Variants in ESR1 observed in about 807,000 individuals in gnomAD.
ESR1 encodes the protein estrogen receptor 1.
ESR1 carries 12 observed loss-of-function variants against 52.7 expected under a neutral mutation model. The ratio of observed to expected loss-of-function variants is 0.23; its 90% CI spans 0.15 to 0.37. The LOEUF is 0.37. Among genes scored for constraint, ESR1 ranks in the 10% least tolerant of loss-of-function variants. The probability of loss-of-function intolerance (pLI) is 1.00; values close to 1 mark genes in which losing one functional copy is unlikely to be tolerated. For missense variants in ESR1, 584 were observed against 779.7 expected, an observed-to-expected ratio of 0.75 and a Z score of 2.99; for synonymous variants, 305 against 316.8, an observed-to-expected ratio of 0.96 and a Z score of 0.39.
chr6:151,854,981 T>G (rs1292348562), intron 2 of ESR1, among the ~76,000 whole-genome samples: 2 of 152,228 alleles, frequency 1.3e-5, no homozygotes, highest in Non-Finnish European at 2.9e-5. Context: ...TGGTGCGATC[T>G]TGGCTCATTG....
At chr6:151,838,543 TTA>T (rs1239911404) in intron 1 of ESR1, among the ~76,000 whole-genome samples, 1 of 152,216 alleles carries the variant, frequency 6.6e-6, no homozygotes, top group East Asian at 1.9e-4. Context: ...CTAGAGGAAG[TTA>T]TGTTATCTTG....
At chr6:151,767,035 T>C (rs905667231) in intron 2 of ESR1, among the ~76,000 whole-genome samples, 2 of 152,126 alleles carry the variant, frequency 1.3e-5, no homozygotes, top group African/African-American at 2.4e-5. Flanking sequence ...GAAAATATGG[T>C]TTCAGGTTCA....
chr6:151,659,995 C>T (rs994816449), intron 1 of ESR1, among the ~76,000 whole-genome samples: 8 of 152,196 alleles, frequency 5.3e-5, no homozygotes, highest in Non-Finnish European at 1.0e-4. Flanking sequence ...ATTGCTAGCA[C>T]TTACCGTATG....
chr6:151,680,715 C>A (rs1285597924), intron 1 of ESR1, among the ~76,000 whole-genome samples: 2 of 152,148 alleles, frequency 1.3e-5, no homozygotes, highest in African/African-American at 4.8e-5. Flanking sequence ...TAATAGTTGG[C>A]CTCCTCCCTT....
At chr6:151,662,917 G>A (rs1381809610) in intron 1 of ESR1, among the ~76,000 whole-genome samples, 1 of 152,214 alleles carries the variant, frequency 6.6e-6, no homozygotes, top group African/African-American at 2.4e-5. Context: ...TTAAGTCACT[G>A]TTTATTCTGT....
intron 4 of ESR1, among the ~76,000 whole-genome samples, chr6:151,950,775 T>G (rs573632321): frequency 1.8e-4 from 27 of 152,276 alleles, no homozygotes; most frequent in African/African-American, 5.8e-4. Flanking sequence ...GATTTCAGAC[T>G]TCTAGCCTCC....
At chr6:151,955,986 CT>C (rs2036863394) in intron 4 of ESR1, among the ~76,000 whole-genome samples, 1 of 152,078 alleles carries the variant, frequency 6.6e-6, no homozygotes, top group South Asian at 2.1e-4. Flanking sequence ...AGGTTTTCTG[CT>C]TCTGTGTCAG....
At chr6:151,735,127 G>C (rs1782548412) in intron 2 of ESR1, among the ~76,000 whole-genome samples, 1 of 152,060 alleles carries the variant, frequency 6.6e-6, no homozygotes, top group South Asian at 2.1e-4. Context: ...TGTTATTGTG[G>C]GGATGGCTGA....
intron 6 of ESR1, among the ~76,000 whole-genome samples, chr6:152,076,989 A>C (rs2048787285): frequency 6.6e-6 from 1 of 152,228 alleles, no homozygotes; most frequent in Admixed American, 6.5e-5. Flanking sequence ...AAATTTGCAT[A>C]AGTAACAAGG....
chr6:151,699,105 C>T (rs148008543), intron 1 of ESR1, among the ~76,000 whole-genome samples: 1 of 152,298 alleles, frequency 6.6e-6, no homozygotes, highest in East Asian at 1.9e-4. Flanking sequence ...TTATTCCTAT[C>T]TGGGCTCTGC....
upstream of ESR1, among the ~76,000 whole-genome samples, chr6:151,685,861 A>G (rs1018296081): frequency 6.6e-5 from 10 of 152,136 alleles, no homozygotes; most frequent in African/African-American, 2.4e-4. Context: ...TAATTTATGA[A>G]AGCAGATTTT....
chr6:151,833,452 G>C (rs926754585), intron 1 of ESR1, among the ~76,000 whole-genome samples: 2 of 152,142 alleles, frequency 1.3e-5, no homozygotes, highest in East Asian at 3.9e-4. Context: ...AGACATGAAG[G>C]TCCATTTTGC....
In ESR1 at chr6:152,061,271, G is replaced by A; in HGVS notation, c.1369+147G>A. 2.5e-6 allele frequency: 2 copies of A among 803,970 alleles called. No individual in the cohort carries two copies. The highest frequency in any genetic ancestry group is 2.6e-5 in the East Asian group (1 of 37,774). The allele number at this position is 803,970 out of a possible 1,614,324, so 49.8% of individuals were successfully genotyped here. ...CGTTTTAAAATAACCTACCAACATT[G>A]CAGATTCCTTATAAAGGTAGAACCA... On this transcript the variant is annotated intron_variant, in intron 6 of 7. Coordinates refer to ENST00000206249, the MANE Select transcript of ESR1 (RefSeq NM_000125.4). This position sits in a 1 kb window ranked among gnomAD's most constrained non-coding sequence, Gnocchi z 4.3.
At chr6:151,697,827 G>C (rs1197730594) in intron 1 of ESR1, among the ~76,000 whole-genome samples, 1 of 152,144 alleles carries the variant, frequency 6.6e-6, no homozygotes, top group African/African-American at 2.4e-5. Flanking sequence ...GGCTGGGTGT[G>C]GTGGCTTACA....
chr6:151,679,983 C>T (rs905669162), intron 1 of ESR1, among the ~76,000 whole-genome samples: 5 of 152,148 alleles, frequency 3.3e-5, no homozygotes, highest in East Asian at 3.9e-4. Context: ...GCTTAATCAT[C>T]GCCTTAGCAC....
At chr6:151,887,797 T>TC (rs1245859929) in intron 3 of ESR1, among the ~76,000 whole-genome samples, 1 of 152,138 alleles carries the variant, frequency 6.6e-6, no homozygotes, top group Admixed American at 6.6e-5. Context: ...GTTTTTTTTT[T>TC]CCTAGTAGTT....
chr6:151,926,459 A>G (rs1408700663), intron 3 of ESR1, among the ~76,000 whole-genome samples: 1 of 152,176 alleles, frequency 6.6e-6, no homozygotes, highest in Non-Finnish European at 1.5e-5. Flanking sequence ...AATATTGAAT[A>G]ATATGAACAT....
intron 4 of ESR1, among the ~76,000 whole-genome samples, chr6:151,970,977 A>G (rs2038849995): frequency 6.6e-6 from 1 of 152,142 alleles, no homozygotes; most frequent in Non-Finnish European, 1.5e-5. Flanking sequence ...TATTTCACCC[A>G]TACCAGAGTT....
chr6:151,995,319 A>G (rs1289064660), intron 4 of ESR1, among the ~76,000 whole-genome samples: 5 of 151,910 alleles, frequency 3.3e-5, no homozygotes, highest in South Asian at 4.1e-4. Context: ...CCATCAGTCT[A>G]TCTGTCCATC....
Sources: gnomAD v4.1 joint callset for allele counts (sites outside exome capture counted in the v4.1 genomes callset) on GRCh38, gnomAD v4.1.1 for gene constraint, Gnocchi (gnomAD v3.1) non-coding constraint, MANE v1.5 for transcripts, NCBI Gene and HGNC (gene_info 2026-07-23, HGNC 2026-07-21) for gene names.